Variants in RGPD2 observed in about 807,000 individuals in gnomAD.
The protein encoded by RGPD2 is RANBP2-like and GRIP domain-containing protein 2.
RGPD2 carries 2 observed loss-of-function variants against 36.0 expected under a neutral mutation model. The observed-to-expected ratio is 0.06, with a 90% CI of 0.02 to 0.17. RGPD2 has a LOEUF of 0.17. Among genes scored for constraint, RGPD2 ranks in the 10% least tolerant of loss-of-function variants. RGPD2 has a pLI of 1.00. For synonymous variants in RGPD2, 19 were observed against 163.8 expected, an observed-to-expected ratio of 0.12 and a Z score of 6.75; for missense variants, 40 against 464.3, an observed-to-expected ratio of 0.09 and a Z score of 8.40.
chr2:87,822,105 A>G (rs1686392899), intron 1 of RGPD2, among the ~76,000 whole-genome samples: 1 of 152,224 alleles, frequency 6.6e-6, no homozygotes, highest in Non-Finnish European at 1.5e-5. Flanking sequence ...AAATCTGTGG[A>G]GTCCCAACAA....
At chr2:87,824,363 G>A (rs961638263) in intron 1 of RGPD2, among the ~76,000 whole-genome samples, 1 of 151,974 alleles carries the variant, frequency 6.6e-6, no homozygotes, top group Non-Finnish European at 1.5e-5. Flanking sequence ...CACAATGGAA[G>A]ACTAGAAAGA....
the RGPD2 span, among the ~76,000 whole-genome samples, chr2:87,885,465 A>G: frequency 2.0e-5 from 3 of 151,938 alleles, no homozygotes; most frequent in Non-Finnish European, 4.4e-5. Flanking sequence ...CATTCTCACT[A>G]CTTCTGTTAA....
chr2:87,980,215 G>T, the RGPD2 span, among the ~76,000 whole-genome samples: 1 of 148,516 alleles, frequency 6.7e-6, no homozygotes, highest in Non-Finnish European at 1.5e-5. Context: ...GCCGGGCATG[G>T]TGGCGGGCGC....
chr2:87,985,751 T>G, the RGPD2 span: 2 of 1,607,100 alleles, frequency 1.2e-6, no homozygotes, highest in Non-Finnish European at 1.7e-6. Context: ...CTAAGCGGTC[T>G]GTGTTAAAAC....
chr2:87,967,357 G>A, the RGPD2 span, among the ~76,000 whole-genome samples: 3 of 149,820 alleles, frequency 2.0e-5, no homozygotes, highest in African/African-American at 5.1e-5. Flanking sequence ...GCAGTGAGCC[G>A]AGATTGCGCC....
At chr2:87,897,000 G>A in the RGPD2 span, among the ~76,000 whole-genome samples, 2 of 152,380 alleles carry the variant, frequency 1.3e-5, no homozygotes, top group South Asian at 4.1e-4. Flanking sequence ...CTGTTGTTTT[G>A]TGCATTTACA....
At chr2:87,824,806 CGCCGCCCGGCCAGGCCGAG>C (rs1686599845) in intron 1 of RGPD2, 4 of 120,038 alleles carry the variant, frequency 3.3e-5, no homozygotes, top group Admixed American at 8.1e-5. Context: ...CCGCCGCCGC[CGCCGCCCGGCCAGGCCGAG>C]GCCGCCGCCG....
the RGPD2 span, among the ~76,000 whole-genome samples, chr2:87,849,790 TAGTC>T: frequency 1.4e-4 from 20 of 146,470 alleles, no homozygotes; most frequent in Non-Finnish European, 2.4e-4. Context: ...CAACTAGTAT[TAGTC>T]AGTCAGCATG....
the RGPD2 span, among the ~76,000 whole-genome samples, chr2:87,988,541 A>ATATATATTTTTTTTTTTT: frequency 1.7e-4 from 9 of 54,150 alleles, no homozygotes; most frequent in Admixed American, 1.2e-3. Flanking sequence ...ATATATATAT[A>ATATATATTTTTTTTTTTT]TTTTTTTTTT....
At chr2:87,841,451 T>C in the RGPD2 span, among the ~76,000 whole-genome samples, 1 of 152,170 alleles carries the variant, frequency 6.6e-6, no homozygotes, top group Non-Finnish European at 1.5e-5. Context: ...AACACCACAG[T>C]CTCATATTAC....
intron 8 of RGPD2, among the ~76,000 whole-genome samples, chr2:87,798,882 GAATT>G (rs1219204063): frequency 1.5e-4 from 17 of 114,560 alleles, no homozygotes; most frequent in African/African-American, 5.0e-4. Flanking sequence ...AAAAAAAAAA[GAATT>G]ATTTCCAGGC....
the RGPD2 span, among the ~76,000 whole-genome samples, chr2:87,913,440 GC>G: frequency 6.6e-6 from 1 of 151,724 alleles, no homozygotes; most frequent in Non-Finnish European, 1.5e-5. Context: ...TATACCTAAT[GC>G]TAAATGATGA....
the RGPD2 span, among the ~76,000 whole-genome samples, chr2:87,958,368 T>C: frequency 6.6e-6 from 1 of 151,856 alleles, no homozygotes; most frequent in South Asian, 2.1e-4. Context: ...TAACCAGTTG[T>C]TTTGGCTTCT....
the RGPD2 span, among the ~76,000 whole-genome samples, chr2:87,960,271 C>T: frequency 1.6e-4 from 23 of 139,876 alleles, no homozygotes; most frequent in African/African-American, 5.8e-4. Context: ...ACAGATGTAC[C>T]GTATGAACTC....
chr2:87,877,804 C>CA, the RGPD2 span, among the ~76,000 whole-genome samples: 2,746 of 84,528 alleles, frequency 0.032, 88 homozygotes, highest in African/African-American at 0.052. Context: ...GACTCCGTCT[C>CA]AAAAAAAAAA....
the RGPD2 span, among the ~76,000 whole-genome samples, chr2:87,947,411 C>T: frequency 6.6e-6 from 1 of 152,306 alleles, no homozygotes; most frequent in Non-Finnish European, 1.5e-5. Context: ...CAAGTAGGGG[C>T]TCAGAAAGCT....
At chr2:87,855,244 CA>C in the RGPD2 span, among the ~76,000 whole-genome samples, 1 of 152,108 alleles carries the variant, frequency 6.6e-6, no homozygotes, top group Non-Finnish European at 1.5e-5. Flanking sequence ...GTGTAAATAT[CA>C]AGAAGTGTGA....
the RGPD2 span, among the ~76,000 whole-genome samples, chr2:87,922,044 A>C: frequency 6.6e-6 from 1 of 151,598 alleles, no homozygotes; most frequent in East Asian, 1.9e-4. Flanking sequence ...CTGTAATCCC[A>C]GCACTTTGGG....
the RGPD2 span, among the ~76,000 whole-genome samples, chr2:87,909,271 C>A: frequency 1.3e-5 from 2 of 149,410 alleles, no homozygotes; most frequent in Non-Finnish European, 3.0e-5. Flanking sequence ...AAAACTCACC[C>A]TTCAAAGTAC....
Sources: gnomAD v4.1 joint callset for allele counts (sites outside exome capture counted in the v4.1 genomes callset) on GRCh38, gnomAD v4.1.1 for gene constraint, MANE v1.5 for transcripts, NCBI Gene and HGNC (gene_info 2026-07-23, HGNC 2026-07-21) for gene names.